Variants in KALRN observed in about 807,000 individuals in gnomAD.
The protein encoded by KALRN is kalirin.
KALRN carries 70 observed loss-of-function variants against 353.7 expected under a neutral mutation model. The observed-to-expected ratio is 0.20, with a 90% CI of 0.16 to 0.24. The LOEUF is 0.24. Among genes scored for constraint, KALRN ranks in the 10% least tolerant of loss-of-function variants. The pLI, the probability that KALRN is intolerant of heterozygous loss-of-function variation, is 1.00. For synonymous variants in KALRN, 1,391 were observed against 1,434.8 expected (o/e 0.97, Z 0.69); for missense variants, 2,791 against 3,756.7 (o/e 0.74, Z 6.72).
intron 1 of KALRN, among the ~76,000 whole-genome samples, chr3:124,103,025 T>C (rs2062001888): frequency 6.6e-6 from 1 of 152,134 alleles, no homozygotes; most frequent in South Asian, 2.1e-4. Context: ...AAAGTCAAGA[T>C]CCAGGACCCC....
intron 9 of KALRN, among the ~76,000 whole-genome samples, chr3:124,335,325 T>C (rs927935395): frequency 6.6e-6 from 1 of 152,202 alleles, no homozygotes; most frequent in Non-Finnish European, 1.5e-5. Flanking sequence ...TCAGTGTATG[T>C]TTCATGATTA....
chr3:124,412,512 A>C (rs565071488), intron 13 of KALRN, among the ~76,000 whole-genome samples: 7 of 152,322 alleles, frequency 4.6e-5, no homozygotes, highest in African/African-American at 1.7e-4. Flanking sequence ...GATTCACACA[A>C]GTGGAATTAT....
At chr3:124,316,064 A>G (rs1276144076) in intron 6 of KALRN, among the ~76,000 whole-genome samples, 2 of 152,182 alleles carry the variant, frequency 1.3e-5, no homozygotes, top group Admixed American at 1.3e-4. Flanking sequence ...GGAGCAGCAC[A>G]AAAAGCAGAA....
chr3:124,237,380 T>TTTTTTTTTTG (rs2079912545), intron 3 of KALRN, among the ~76,000 whole-genome samples: 1 of 151,550 alleles, frequency 6.6e-6, no homozygotes, highest in Admixed American at 6.6e-5. Context: ...TTTTTTTTTT[T>TTTTTTTTTTG]GAGACTGAGT....
chr3:124,667,349 ACACAAG>A (rs2085769897), intron 47 of KALRN, among the ~76,000 whole-genome samples, 166 bp downstream of exon 47: 1 of 152,214 alleles, frequency 6.6e-6, no homozygotes, highest in Non-Finnish European at 1.5e-5. Context: ...GAAGCTGAAT[ACACAAG>A]CACAACAGAT....
intron 1 of KALRN, among the ~76,000 whole-genome samples, chr3:124,158,862 C>T (rs2149996841): frequency 6.6e-6 from 1 of 152,278 alleles, no homozygotes; most frequent in South Asian, 2.1e-4. Context: ...CCTTGCCATC[C>T]CCCTACTCCC....
intron 7 of KALRN, 86 bp from the exon 8 acceptor site, chr3:124,329,775 C>A: frequency 6.8e-7 from 1 of 1,467,962 alleles, no homozygotes; most frequent in South Asian, 1.3e-5. Context: ...ATGTTTCTTC[C>A]CAAGGTATCT....
At chr3:124,406,264 T>C (rs2091527468) in intron 13 of KALRN, among the ~76,000 whole-genome samples, 1 of 152,250 alleles carries the variant, frequency 6.6e-6, no homozygotes, top group African/African-American at 2.4e-5. Flanking sequence ...AATGCTATGA[T>C]AACTTTAAAA....
intron 55 of KALRN, among the ~76,000 whole-genome samples, chr3:124,698,437 C>A (rs534126688): frequency 1.3e-5 from 2 of 152,298 alleles, no homozygotes; most frequent in African/African-American, 4.8e-5. Flanking sequence ...TCCCAGATGT[C>A]GAGCAGCTGT....
chr3:124,569,729 C>T (rs537810930), intron 34 of KALRN, among the ~76,000 whole-genome samples: 1 of 152,310 alleles, frequency 6.6e-6, no homozygotes, highest in South Asian at 2.1e-4. Flanking sequence ...GGCTTGTTAG[C>T]CAGTCTAGCT....
chr3:124,492,966 G>A (rs2063329326), intron 32 of KALRN, 84 bp downstream of exon 32: 5 of 1,512,334 alleles, frequency 3.3e-6, no homozygotes, highest in African/African-American at 2.8e-5. Context: ...TTCTGAAGGG[G>A]GATGTGCCCA....
At chr3:124,459,599 G>A (rs781540539) in intron 23 of KALRN, among the ~76,000 whole-genome samples, 4 of 152,140 alleles carry the variant, frequency 2.6e-5, no homozygotes, top group Non-Finnish European at 5.9e-5. Flanking sequence ...CAGAGCATTG[G>A]ACAGGGTAAA....
chr3:124,077,635 A>G (rs1287065025), intron 1 of KALRN, among the ~76,000 whole-genome samples: 2 of 152,132 alleles, frequency 1.3e-5, no homozygotes, highest in Admixed American at 1.3e-4. Flanking sequence ...GCCACTCTCC[A>G]GTTCAGAAGT....
At chr3:124,464,857 CA>C (rs4048324) in intron 25 of KALRN, among the ~76,000 whole-genome samples, 4,463 of 87,330 alleles carry the variant, frequency 0.051, 166 homozygotes, top group African/African-American at 0.13. Flanking sequence ...GCAATAGAAC[CA>C]AAAAAAAAAA....
At chr3:124,699,145 G>A (rs2062198741) in intron 55 of KALRN, among the ~76,000 whole-genome samples, 3 of 151,978 alleles carry the variant, frequency 2.0e-5, no homozygotes, top group South Asian at 2.1e-4. Flanking sequence ...ATTTATTTCT[G>A]CATCCTTCTT....
intron 33 of KALRN, among the ~76,000 whole-genome samples, chr3:124,501,410 C>T (rs938521177): frequency 4.6e-5 from 7 of 152,032 alleles, no homozygotes; most frequent in Non-Finnish European, 1.0e-4. Flanking sequence ...GTTTTTAAAC[C>T]CTGAATTATC....
intron 1 of KALRN, among the ~76,000 whole-genome samples, chr3:124,109,312 G>C (rs1028113781): frequency 1.8e-4 from 27 of 150,954 alleles, no homozygotes; most frequent in African/African-American, 6.6e-4. Context: ...ATGCATTCTA[G>C]ATAATTTCCT....
chr3:124,202,625 C>G lies in KALRN; in HGVS notation c.74-25365C>G, dbSNP rs189602252. Among the ~76,000 whole-genome samples, 5 of 152,234 alleles carry G rather than the reference C, an allele frequency of 3.3e-5. No homozygotes were observed. The East Asian group carries it at 9.7e-4, about 29-fold the overall frequency. ...TCCCTCCTCCTCCTCCTCCTGGTCTCTTTTCCTTCACCTTCTGTGGGGCTC... is the reference window on the plus strand; with the variant it reads ...TCCCTCCTCCTCCTCCTCCTGGTCTGTTTTCCTTCACCTTCTGTGGGGCTC... On this transcript the variant is annotated intron_variant, in intron 1 of 59. Transcript: ENST00000682506.
chr3:124,703,032 A>T (rs189967056), intron 57 of KALRN, among the ~76,000 whole-genome samples: 8 of 152,230 alleles, frequency 5.3e-5, no homozygotes, highest in Admixed American at 3.3e-4. Flanking sequence ...CACCCGTAAG[A>T]TCCTTCCCCC....
Sources: gnomAD v4.1 joint callset for allele counts (sites outside exome capture counted in the v4.1 genomes callset) on GRCh38, gnomAD v4.1.1 for gene constraint, MANE v1.5 for transcripts, NCBI Gene and HGNC (gene_info 2026-07-23, HGNC 2026-07-21) for gene names.